The following SOAT1 variants were observed in gnomAD, a reference collection of about 807,000 sequenced individuals.
SOAT1 encodes the protein sterol O-acyltransferase 1.
In SOAT1, 55 loss-of-function variants were observed where a neutral mutation model predicts 69.5. The ratio of observed to expected loss-of-function variants is 0.79; its 90% CI spans 0.64 to 0.99. The LOEUF is 0.99. Among genes scored for constraint, SOAT1 ranks in the 50% least tolerant of loss-of-function variants. SOAT1 has a pLI of 0.00. For missense variants in SOAT1, 580 were observed against 669.3 expected, an observed-to-expected ratio of 0.87 and a Z score of 1.47; for synonymous variants, 231 against 224.7, an observed-to-expected ratio of 1.03 and a Z score of -0.25.
At position 179,342,946 on chromosome 1, in the gene SOAT1, A is replaced by T; in HGVS notation, c.941+3A>T. 6.2e-7 allele frequency: 1 copy of T among 1,610,922 alleles called. No individual in the cohort carries two copies. The highest frequency in any genetic ancestry group is 8.5e-7 in the Non-Finnish European group (1 of 1,177,208). On this transcript the variant is annotated splice_donor_region_variant and intron_variant, in intron 9 of 15. Transcript: ENST00000367619. ...ATCTACCGTGACAGCTATCCCAGGT[A>T]ATGGTACTGTGAACCAGAAATGTGG...
Position 179,357,786 on chromosome 1 carries a change from C to T in SOAT1, c.*4145C>T, listed in dbSNP as rs1425004921. On this transcript the variant is annotated 3_prime_UTR_variant, in exon 16 of 16. Transcript: ENST00000367619. ...GTGCACGCCTGTAGTCTCAGCTACT[C>T]AGTCGGCTGAGGTGGGAAGATGGCT... The T allele has an allele frequency of 6.6e-6, 1 of 152,212 alleles. No homozygotes were observed. Among genetic ancestry groups the T allele is most frequent in the African/African-American group, 2.4e-5 (1 of 41,430 alleles). 9.4% of individuals were successfully genotyped at this position (152,212 alleles called of 1,614,324 possible). A position where few individuals can be genotyped will look rare whatever the true frequency, so the allele number is the denominator to read the frequency against.
At position 179,353,613 on chromosome 1, in the gene SOAT1, G is replaced by C. The variant is rs374268005; in HGVS notation, c.1625G>C (p.Arg542Pro). The C allele has an allele frequency of 6.2e-7, 1 of 1,613,490 alleles. No homozygotes were observed. The highest frequency in any genetic ancestry group is 8.5e-7 in the Non-Finnish European group (1 of 1,179,784). The change falls in exon 16 of 16, where the codon CGT (arginine) becomes CCT (proline). Residue 542 changes from arginine to proline, a missense_variant. Transcript: ENST00000367619. ...NPTFLDYVRP[R>P]SWTCRYVF Reference sequence around the variant, plus strand: ...ACATTTTTGGATTATGTCCGGCCACGTTCCTGGACTTGTCGTTACGTGTTT... The same window carrying C: ...ACATTTTTGGATTATGTCCGGCCACCTTCCTGGACTTGTCGTTACGTGTTT...
chr1:179,336,750 A>C lies in SOAT1; in HGVS notation c.330-1087A>C, dbSNP rs1008439791. On this transcript the variant is annotated intron_variant, in intron 4 of 15. Coordinates refer to ENST00000367619, the MANE Select transcript of SOAT1 (RefSeq NM_003101.6). Reference sequence around the variant, plus strand: ...GGTGGCTCACGCCTGTAATCCCAGCACTTTGGGAGACCAAGGCAGGTGGAT... The same window carrying C: ...GGTGGCTCACGCCTGTAATCCCAGCCCTTTGGGAGACCAAGGCAGGTGGAT... 8.5e-5 allele frequency among the ~76,000 whole-genome samples: 13 copies of C among 152,196 alleles called. 1 individual carries two copies. The highest frequency in any genetic ancestry group is 1.6e-4 in the Non-Finnish European group (11 of 68,036).
intron 2 of SOAT1, among the ~76,000 whole-genome samples, chr1:179,323,143 C>T (rs1262561686): frequency 6.8e-6 from 1 of 147,628 alleles, no homozygotes; most frequent in Non-Finnish European, 1.5e-5. Context: ...TTAGTGGTCT[C>T]AACTGTGGAA....
chr1:179,320,121 T>G (rs1290740544), intron 2 of SOAT1, among the ~76,000 whole-genome samples: 1 of 152,156 alleles, frequency 6.6e-6, no homozygotes, highest in Non-Finnish European at 1.5e-5. Context: ...TTGATTGTTC[T>G]TTTGGTGTTT....
At chr1:179,307,135 G>A (rs535625060) in intron 2 of SOAT1, among the ~76,000 whole-genome samples, 8 of 152,278 alleles carry the variant, frequency 5.3e-5, no homozygotes, top group South Asian at 2.1e-4. Flanking sequence ...CAAAACAGAC[G>A]GCTGGTCAGA....
chr1:179,336,627 C>T (rs1331926032), intron 4 of SOAT1, among the ~76,000 whole-genome samples: 2 of 152,068 alleles, frequency 1.3e-5, no homozygotes, highest in Admixed American at 1.3e-4. Flanking sequence ...AACTAAAGCA[C>T]AGAGTACTTA....
At chr1:179,314,523 A>C (rs4651023) in intron 2 of SOAT1, among the ~76,000 whole-genome samples, 8 of 152,064 alleles carry the variant, frequency 5.3e-5, no homozygotes, top group Non-Finnish European at 1.0e-4. Flanking sequence ...TATCACTATA[A>C]TAGTATGGTA....
chr1:179,331,735 AAG>A (rs1349458769), intron 3 of SOAT1, among the ~76,000 whole-genome samples: 1 of 152,208 alleles, frequency 6.6e-6, no homozygotes, highest in Admixed American at 6.5e-5. Context: ...AGAGAATAGA[AAG>A]AACTTTAGAG....
chr1:179,318,148 T>C (rs1189705610), intron 2 of SOAT1, among the ~76,000 whole-genome samples: 1 of 151,306 alleles, frequency 6.6e-6, no homozygotes. Flanking sequence ...TGAGCTGTGA[T>C]TGTGCCACTG....
intron 3 of SOAT1, among the ~76,000 whole-genome samples, chr1:179,327,135 T>A (rs1665822810): frequency 6.6e-6 from 1 of 152,238 alleles, no homozygotes; most frequent in South Asian, 2.1e-4. Flanking sequence ...CACATTTTTT[T>A]AGTTGTTGCT....
intron 12 of SOAT1, 76 bp from the exon 13 acceptor site, chr1:179,348,760 ATGTGTGTG>A (rs71111912): frequency 0.012 from 6,977 of 590,708 alleles, 68 homozygotes; most frequent in African/African-American, 0.04. Flanking sequence ...TTCGGGTGGG[ATGTGTGTG>A]TGTGTGTGTG....
At chr1:179,329,137 A>G (rs1006565606) in intron 3 of SOAT1, among the ~76,000 whole-genome samples, 26 of 151,810 alleles carry the variant, frequency 1.7e-4, no homozygotes, top group African/African-American at 5.1e-4. Flanking sequence ...ACCTTATGCT[A>G]TTGTCCAGCC....
At chr1:179,337,546 T>C (rs1045439204) in intron 4 of SOAT1, among the ~76,000 whole-genome samples, 1 of 150,302 alleles carries the variant, frequency 6.7e-6, no homozygotes, top group African/African-American at 2.5e-5. Context: ...GAAGGAAAAG[T>C]GATTGCCAAA....
intron 3 of SOAT1, among the ~76,000 whole-genome samples, chr1:179,327,799 G>A (rs2484448): frequency 0.98 from 149,787 of 152,280 alleles, 73,719 homozygotes; most frequent in Middle Eastern, 1. Context: ...CTTTTAGTCT[G>A]AAGGGAAGAG....
At chr1:179,345,678 G>C (rs1327176954) in intron 11 of SOAT1, among the ~76,000 whole-genome samples, 13 of 151,854 alleles carry the variant, frequency 8.6e-5, no homozygotes, top group Admixed American at 7.9e-4. Flanking sequence ...TCTCGCCTCA[G>C]TAGCTGGGAC....
rs143750596 is a variant in SOAT1 at position 179,302,267 on chromosome 1, G to T, written c.-8-410G>T. 1.2e-3 allele frequency among the ~76,000 whole-genome samples: 185 copies of T among 152,252 alleles called. 1 individual carries two copies. Among genetic ancestry groups the T allele is most frequent in the African/African-American group, 4.1e-3 (169 of 41,560 alleles). ...AATATAGTGGTATTGTGAAATTCACGTAAGCCAGATGCTTAGTTCAAAGCT... is the reference window on the plus strand; with the variant it reads ...AATATAGTGGTATTGTGAAATTCACTTAAGCCAGATGCTTAGTTCAAAGCT... On this transcript the variant is annotated intron_variant, in intron 1 of 15. Coordinates refer to ENST00000367619, the MANE Select transcript of SOAT1 (RefSeq NM_003101.6).
chr1:179,338,047 T>G (rs1666217694), intron 5 of SOAT1, 151 bp downstream of exon 5: 1 of 490,476 alleles, frequency 2.0e-6, no homozygotes, highest in South Asian at 3.6e-5. Context: ...TGCTCCTTTC[T>G]GATCTTTTGG....
chr1:179,311,394 C>T (rs181516019), intron 2 of SOAT1, among the ~76,000 whole-genome samples: 10 of 134,390 alleles, frequency 7.4e-5, no homozygotes, highest in Admixed American at 3.4e-4. Flanking sequence ...AACAAGGATG[C>T]GGATTTAGAA....
Sources: gnomAD v4.1 joint callset for allele counts (sites outside exome capture counted in the v4.1 genomes callset) on GRCh38, gnomAD v4.1.1 for gene constraint, MANE v1.5 for transcripts, NCBI Gene and HGNC (gene_info 2026-07-23, HGNC 2026-07-21) for gene names.